ZYG11B: variants seen among roughly 807,000 people sequenced by gnomAD.
ZYG11B encodes the protein protein zyg-11 homolog B.
ZYG11B carries 36 observed loss-of-function variants against 82.4 expected under a neutral mutation model. The observed-to-expected ratio is 0.44, with a 90% CI of 0.33 to 0.58. ZYG11B has a LOEUF of 0.58. ZYG11B is among the 20% of genes least tolerant of loss of function. The probability of loss-of-function intolerance (pLI) is 0.02; values close to 1 mark genes in which losing one functional copy is unlikely to be tolerated. For missense variants in ZYG11B, 552 were observed against 895.6 expected, an observed-to-expected ratio of 0.62 and a Z score of 4.90; for synonymous variants, 303 against 312.8, an observed-to-expected ratio of 0.97 and a Z score of 0.33.
At chr1:52,812,783 G>C (rs1323008793) in intron 10 of ZYG11B, among the ~76,000 whole-genome samples, 1 of 152,092 alleles carries the variant, frequency 6.6e-6, no homozygotes, top group Non-Finnish European at 1.5e-5. Flanking sequence ...CTGGAGTGCA[G>C]TGGTGGGATC....
chr1:52,770,987 T>G, intron 2 of ZYG11B, 33 bp from the exon 3 acceptor site: 1 of 1,570,692 alleles, frequency 6.4e-7, no homozygotes, highest in Non-Finnish European at 8.6e-7. Context: ...TTAACTGTTT[T>G]TTGAATTTAA....
chr1:52,819,365 C>T (rs1336904961), intron 13 of ZYG11B, among the ~76,000 whole-genome samples: 1 of 152,284 alleles, frequency 6.6e-6, no homozygotes, highest in South Asian at 2.1e-4. Flanking sequence ...GTTCTGAGGA[C>T]TCCCAAATTT....
intron 1 of ZYG11B, among the ~76,000 whole-genome samples, chr1:52,730,842 T>TA (rs111735830): frequency 0.12 from 14,576 of 119,074 alleles, 1,252 homozygotes; most frequent in African/African-American, 0.27. Context: ...GAGACCTCAT[T>TA]AAAAAAAAAA....
intron 10 of ZYG11B, among the ~76,000 whole-genome samples, chr1:52,808,303 G>A (rs1054160986): frequency 6.6e-6 from 1 of 152,138 alleles, no homozygotes; most frequent in African/African-American, 2.4e-5. Flanking sequence ...GACGGAGGTT[G>A]CAGTGAGCCG....
chr1:52,750,120 C>T (rs11206005), intron 1 of ZYG11B, among the ~76,000 whole-genome samples: 19,033 of 151,934 alleles, frequency 0.13, 2,552 homozygotes, highest in African/African-American at 0.34. Flanking sequence ...AGTTTTGAGA[C>T]GGAGTCTTGC....
intron 1 of ZYG11B, among the ~76,000 whole-genome samples, chr1:52,736,111 T>C (rs903148325): frequency 2.6e-5 from 4 of 152,168 alleles, no homozygotes; most frequent in Non-Finnish European, 5.9e-5. Flanking sequence ...CCTGCTAGTT[T>C]ACAGTGGTCT....
At position 52,771,452 on chromosome 1, in the gene ZYG11B, G is replaced by A. The variant is rs1644749529; in HGVS notation, c.629G>A (p.Arg210Gln). ...ACTGCTCTACTGGCCTGCAAAGACCGACTCAAGTCTCTAACCATGCACCAC... is the reference window on the plus strand; with the variant it reads ...ACTGCTCTACTGGCCTGCAAAGACCAACTCAAGTCTCTAACCATGCACCAC... ...DITALLACKD[R>Q]LKSLTMHHLK... Residue 210 changes from arginine (R) to glutamine (Q), a missense_variant, in exon 3 of 14, where the codon CGA (arginine) becomes CAA (glutamine). Coordinates refer to ENST00000294353, the MANE Select transcript of ZYG11B (RefSeq NM_024646.3). The surrounding 1 kb of genome is among the most constrained non-coding windows in gnomAD (Gnocchi z 5.4). 12 of 1,613,398 alleles carry A rather than the reference G, an allele frequency of 7.4e-6. No homozygotes were observed. Among genetic ancestry groups the A allele is most frequent in the South Asian group, 2.2e-5 (2 of 91,072 alleles).
chr1:52,732,762 T>C (rs1167591998), intron 1 of ZYG11B, among the ~76,000 whole-genome samples: 1 of 149,080 alleles, frequency 6.7e-6, no homozygotes, highest in Admixed American at 6.7e-5. Context: ...AGACTCTGTC[T>C]CAAAAAAAAA....
intron 1 of ZYG11B, among the ~76,000 whole-genome samples, chr1:52,747,240 T>A (rs1644484886): frequency 6.6e-6 from 1 of 152,110 alleles, no homozygotes; most frequent in Admixed American, 6.6e-5. Flanking sequence ...AAGTCAGCAC[T>A]GATTTCCTGT....
chr1:52,821,379 T>G, intron 13 of ZYG11B, 60 bp from the exon 14 acceptor site: 1 of 1,485,944 alleles, frequency 6.7e-7, no homozygotes, highest in Non-Finnish European at 9.0e-7. Flanking sequence ...GGAATAATTT[T>G]CAAGTGTTTT....
chr1:52,790,773 C>CTT, intron 6 of ZYG11B, among the ~76,000 whole-genome samples: 34,393 of 77,758 alleles, frequency 0.44, 7,602 homozygotes, highest in East Asian at 0.55. Context: ...GTCCAGTGTT[C>CTT]TTTTTTTTTT....
intron 12 of ZYG11B, 25 bp from the exon 13 acceptor site, chr1:52,816,507 T>C (rs1216593577): frequency 6.6e-7 from 1 of 1,518,520 alleles, no homozygotes; most frequent in South Asian, 1.2e-5. Flanking sequence ...GATGTAACTT[T>C]GATTCTTTTC....
intron 8 of ZYG11B, among the ~76,000 whole-genome samples, chr1:52,797,288 T>C (rs1322876037): frequency 2.3e-5 from 2 of 88,726 alleles, no homozygotes; most frequent in East Asian, 3.5e-4. Flanking sequence ...ATTTATATTA[T>C]ATATAAAATA....
chr1:52,780,392 G>T (rs935684821), intron 4 of ZYG11B, among the ~76,000 whole-genome samples: 4 of 152,054 alleles, frequency 2.6e-5, no homozygotes, highest in African/African-American at 7.2e-5. Context: ...GTTCATGCCT[G>T]TAATCCTAGC....
intron 9 of ZYG11B, 49 bp downstream of exon 9, chr1:52,802,029 A>G: frequency 6.3e-7 from 1 of 1,581,194 alleles, no homozygotes; most frequent in Non-Finnish European, 8.6e-7. Context: ...TAATTTATTT[A>G]CTTTAGCATT....
Position 52,804,569 on chromosome 1 carries a change from C to T in ZYG11B, c.1695+2430C>T, listed in dbSNP as rs565221060. On this transcript the variant is annotated intron_variant, in intron 10 of 13. Coordinates refer to ENST00000294353, the MANE Select transcript of ZYG11B (RefSeq NM_024646.3). ...TGGAGGTTGCTGTGAGCCGAGATTG[C>T]ACCATTGCACTCTAGCCTGGGCAAC... 1.4e-4 allele frequency among the ~76,000 whole-genome samples: 21 copies of T among 151,834 alleles called. No individual in the cohort carries two copies. The East Asian group carries it at 2.9e-3, about 21-fold the overall frequency.
At chr1:52,791,080 T>C (rs1644955280) in intron 6 of ZYG11B, among the ~76,000 whole-genome samples, 1 of 151,994 alleles carries the variant, frequency 6.6e-6, no homozygotes, top group African/African-American at 2.4e-5. Flanking sequence ...TAAGTGATTC[T>C]CCTACCTGAG....
chr1:52,801,108 G>GT (rs1413830464), intron 8 of ZYG11B, among the ~76,000 whole-genome samples: 4 of 151,598 alleles, frequency 2.6e-5, no homozygotes, highest in Non-Finnish European at 5.9e-5. Context: ...TTATCTTCTT[G>GT]TTTTTTTGAA....
intron 10 of ZYG11B, among the ~76,000 whole-genome samples, chr1:52,803,097 T>TATATAC (rs1212524091): frequency 2.2e-5 from 1 of 44,832 alleles, no homozygotes; most frequent in Non-Finnish European, 4.4e-5. Context: ...CATATATATA[T>TATATAC]ACATATATAT....
Sources: allele counts gnomAD v4.1 joint callset (sites outside exome capture counted in the v4.1 genomes callset), GRCh38; gene constraint gnomAD v4.1.1; non-coding constraint Gnocchi (gnomAD v3.1); transcripts MANE v1.5; gene names NCBI Gene and HGNC (gene_info 2026-07-23, HGNC 2026-07-21).